Variants in DLGAP1 observed in about 807,000 individuals in gnomAD.
DLGAP1 encodes the protein disks large-associated protein 1.
DLGAP1 carries 11 observed loss-of-function variants against 90.8 expected under a neutral mutation model. The observed-to-expected ratio is 0.12, with a 90% CI of 0.08 to 0.20. The LOEUF is 0.20. Ranked by LOEUF, DLGAP1 falls within the 10% of genes least tolerant of loss-of-function variation. The pLI is 1.00. For missense variants in DLGAP1, 1,050 were observed against 1,333.8 expected, an observed-to-expected ratio of 0.79 and a Z score of 3.31; for synonymous variants, 558 against 540.7, an observed-to-expected ratio of 1.03 and a Z score of -0.44.
intron 1 of DLGAP1, among the ~76,000 whole-genome samples, chr18:4,314,877 A>G (rs1173353535): frequency 6.6e-6 from 1 of 152,222 alleles, no homozygotes; most frequent in African/African-American, 2.4e-5. Flanking sequence ...CTACAGATAC[A>G]GAGAATATGT....
At chr18:4,297,371 T>C (rs2080009292) in intron 1 of DLGAP1, among the ~76,000 whole-genome samples, 1 of 152,148 alleles carries the variant, frequency 6.6e-6, no homozygotes, top group Admixed American at 6.5e-5. Context: ...GAAAAATTTA[T>C]TGAAATATAA....
At chr18:4,182,802 G>A (rs1434079806) in intron 1 of DLGAP1, among the ~76,000 whole-genome samples, 1 of 152,170 alleles carries the variant, frequency 6.6e-6, no homozygotes, top group Non-Finnish European at 1.5e-5. Flanking sequence ...TTTTAGAAAT[G>A]CTGGACCATG....
At chr18:4,443,898 T>C (rs770560847) in intron 1 of DLGAP1, among the ~76,000 whole-genome samples, 1 of 152,180 alleles carries the variant, frequency 6.6e-6, no homozygotes, top group South Asian at 2.1e-4. Flanking sequence ...AAACCCAAAT[T>C]ACTTGGATAT....
At chr18:3,532,518 C>T (rs556493830) in intron 10 of DLGAP1, among the ~76,000 whole-genome samples, 88 of 149,762 alleles carry the variant, frequency 5.9e-4, no homozygotes, top group African/African-American at 1.3e-3. Context: ...GCAGACGTTG[C>T]GGTGAGCCAA....
intron 2 of DLGAP1, among the ~76,000 whole-genome samples, chr18:4,139,826 C>T (rs2076466742): frequency 6.6e-6 from 1 of 151,860 alleles, no homozygotes; most frequent in East Asian, 1.9e-4. Flanking sequence ...ATCATTACAT[C>T]CTCTTGCTGA....
intron 1 of DLGAP1, among the ~76,000 whole-genome samples, chr18:4,363,439 G>A (rs1035143436): frequency 1.3e-5 from 2 of 152,142 alleles, no homozygotes; most frequent in African/African-American, 2.4e-5. Context: ...TAACTAAGCT[G>A]TCCTAACACA....
At chr18:3,816,879 TCATCA>T (rs1310224627) in intron 4 of DLGAP1, among the ~76,000 whole-genome samples, 1 of 152,244 alleles carries the variant, frequency 6.6e-6, no homozygotes, top group Non-Finnish European at 1.5e-5. Flanking sequence ...ACCTTTGTGC[TCATCA>T]CATTTGATAC....
At chr18:4,264,046 T>C (rs920083900) in intron 1 of DLGAP1, among the ~76,000 whole-genome samples, 2 of 152,244 alleles carry the variant, frequency 1.3e-5, no homozygotes, top group African/African-American at 2.4e-5. Flanking sequence ...TCATATGTGC[T>C]TTGTTAAATT....
chr18:3,635,796 C>T (rs562450644), intron 7 of DLGAP1, among the ~76,000 whole-genome samples: 2 of 151,646 alleles, frequency 1.3e-5, no homozygotes, highest in East Asian at 4.0e-4. Flanking sequence ...GTCAGCAATT[C>T]CATGAATTCA....
chr18:4,364,045 G>A (rs1340857048), intron 1 of DLGAP1, among the ~76,000 whole-genome samples: 6 of 151,598 alleles, frequency 4.0e-5, no homozygotes, highest in Admixed American at 3.9e-4. Flanking sequence ...AGAAAATGTG[G>A]CACATACACA....
intron 11 of DLGAP1, among the ~76,000 whole-genome samples, chr18:3,506,430 T>G (rs1476738618): frequency 6.8e-6 from 1 of 146,648 alleles, no homozygotes; most frequent in African/African-American, 2.5e-5. Context: ...GGAGAACCTC[T>G]TGAACCCAGG....
chr18:4,145,402 T>C (rs1250489354), intron 2 of DLGAP1, among the ~76,000 whole-genome samples: 1 of 152,172 alleles, frequency 6.6e-6, no homozygotes, highest in Non-Finnish European at 1.5e-5. Flanking sequence ...TTGAGAGGAT[T>C]TATAGAATAT....
chr18:3,704,756 G>T (rs1370989873), intron 7 of DLGAP1, among the ~76,000 whole-genome samples: 1 of 152,082 alleles, frequency 6.6e-6, no homozygotes, highest in Non-Finnish European at 1.5e-5. Flanking sequence ...CAGCCCACTG[G>T]GTTGGAGGTA....
intron 3 of DLGAP1, among the ~76,000 whole-genome samples, chr18:3,944,850 C>T (rs189777268): frequency 5.9e-5 from 9 of 152,014 alleles, no homozygotes; most frequent in South Asian, 4.1e-4. Context: ...CCAAGCCTTC[C>T]GCAAAAAAAA....
chr18:4,011,356 C>T (rs1320338402), intron 2 of DLGAP1, among the ~76,000 whole-genome samples: 1 of 151,988 alleles, frequency 6.6e-6, no homozygotes, highest in Admixed American at 6.6e-5. Flanking sequence ...GAAGCCTTCC[C>T]AGAAGACTTG....
intron 2 of DLGAP1, among the ~76,000 whole-genome samples, chr18:4,142,643 T>G (rs550609126): frequency 6.6e-6 from 1 of 152,330 alleles, no homozygotes; most frequent in South Asian, 2.1e-4. Context: ...AAGATTTATC[T>G]CAGAACACAC....
chr18:4,274,343 T>A (rs2079360165), intron 1 of DLGAP1, among the ~76,000 whole-genome samples: 1 of 152,216 alleles, frequency 6.6e-6, no homozygotes, highest in South Asian at 2.1e-4. Context: ...GCTATTGATT[T>A]CTAATTTCAT....
At chr18:3,501,169 C>T (rs1170893713) in intron 12 of DLGAP1, among the ~76,000 whole-genome samples, 6 of 151,422 alleles carry the variant, frequency 4.0e-5, no homozygotes, top group Non-Finnish European at 8.8e-5. Flanking sequence ...CCACCCGCCT[C>T]AGCCTCCCAA....
Position 3,687,803 on chromosome 18 carries a change from A to G in DLGAP1, c.1591+41332T>C, listed in dbSNP as rs1268088068. ...TGCAGTATGTATATAGAATGTAAAA[A>G]GGGCCGAAGTAAACAAATGACCAAC... On this transcript the variant is annotated intron_variant, in intron 7 of 12. Transcript: ENST00000315677. Among the ~76,000 whole-genome samples the G allele has an allele frequency of 2.0e-5, 3 of 152,228 alleles. No individual in the cohort carries two copies. The East Asian group carries it at 5.8e-4, about 29-fold the overall frequency.
Sources: gnomAD v4.1 joint callset for allele counts (sites outside exome capture counted in the v4.1 genomes callset) on GRCh38, gnomAD v4.1.1 for gene constraint, MANE v1.5 for transcripts, NCBI Gene and HGNC (gene_info 2026-07-23, HGNC 2026-07-21) for gene names.